Variants in GRIK1 observed in about 807,000 individuals in gnomAD.
GRIK1 encodes the protein glutamate ionotropic receptor kainate type subunit 1.
GRIK1 carries 69 observed loss-of-function variants against 105.7 expected under a neutral mutation model. That is an observed-to-expected ratio of 0.65 (90% CI 0.54 to 0.80). The LOEUF (loss-of-function observed/expected upper bound fraction) is 0.80. Among genes scored for constraint, GRIK1 ranks in the 30% least tolerant of loss-of-function variants. The pLI is 0.00. For missense variants in GRIK1, 1,109 were observed against 1,167.3 expected (o/e 0.95, Z 0.73); for synonymous variants, 438 against 431.3 (o/e 1.02, Z -0.19).
At chr21:29,784,535 A>T (rs946438377) in intron 1 of GRIK1, among the ~76,000 whole-genome samples, 1 of 152,194 alleles carries the variant, frequency 6.6e-6, no homozygotes, top group Non-Finnish European at 1.5e-5. Context: ...ATCACATTAT[A>T]TAACAACTTC....
intron 1 of GRIK1, among the ~76,000 whole-genome samples, chr21:29,930,067 T>G (rs1315434639): frequency 2.0e-5 from 3 of 152,236 alleles, no homozygotes; most frequent in South Asian, 2.1e-4. Flanking sequence ...AACCATTCTC[T>G]CCTGTTGAAC....
intron 14 of GRIK1, among the ~76,000 whole-genome samples, chr21:29,566,026 G>A (rs894060629): frequency 6.6e-6 from 1 of 152,118 alleles, no homozygotes; most frequent in African/African-American, 2.4e-5. Context: ...GTAGAATGTT[G>A]GGAGTAAATT....
chr21:29,752,658 C>T (rs1458044818), intron 1 of GRIK1, among the ~76,000 whole-genome samples: 1 of 151,720 alleles, frequency 6.6e-6, no homozygotes, highest in Admixed American at 6.6e-5. Context: ...AGACTCATAT[C>T]TCTACAAAAA....
At chr21:29,916,357 A>G (rs1249507023) in intron 1 of GRIK1, among the ~76,000 whole-genome samples, 1 of 151,986 alleles carries the variant, frequency 6.6e-6, no homozygotes, top group Non-Finnish European at 1.5e-5. Flanking sequence ...ATTACAACTC[A>G]AAGTGGGAGC....
intron 4 of GRIK1, among the ~76,000 whole-genome samples, chr21:29,668,809 G>A (rs929182486): frequency 6.6e-6 from 1 of 152,188 alleles, no homozygotes; most frequent in Non-Finnish European, 1.5e-5. Flanking sequence ...GTATGAATGA[G>A]GGTGTATATG....
rs142710274 is a variant in GRIK1, at chr21:29,863,615, A to G, written c.118+75768T>C. 7.2e-3 allele frequency among the ~76,000 whole-genome samples: 1,100 copies of G among 152,310 alleles called. 13 individuals are homozygous for G. Among genetic ancestry groups the G allele is most frequent in the African/African-American group, 0.024 (1,001 of 41,580 alleles). On this transcript the variant is annotated intron_variant, in intron 1 of 17. Coordinates refer to ENST00000327783, the MANE Select transcript of GRIK1 (RefSeq NM_001330994.2). ...TGCAAAAGGAGAATTTAGCTCACTT[A>G]GAAACCACGGACCTGCTTTTTCTTG...
At chr21:29,925,857 C>G (rs552484433) in intron 1 of GRIK1, among the ~76,000 whole-genome samples, 5 of 152,124 alleles carry the variant, frequency 3.3e-5, no homozygotes, top group Non-Finnish European at 7.4e-5. Flanking sequence ...TAGTCTTCTT[C>G]CCTTGTATGC....
At chr21:29,603,996 G>T (rs1343002654) in intron 7 of GRIK1, among the ~76,000 whole-genome samples, 1 of 152,160 alleles carries the variant, frequency 6.6e-6, no homozygotes, top group African/African-American at 2.4e-5. Flanking sequence ...ACATTGTCCA[G>T]AATTTACAGG....
At chr21:29,834,378 A>G (rs1431404833) in intron 1 of GRIK1, among the ~76,000 whole-genome samples, 1 of 150,172 alleles carries the variant, frequency 6.7e-6, no homozygotes, top group African/African-American at 2.4e-5. Flanking sequence ...AATGATGGTT[A>G]TCGAGATAAT....
At chr21:29,901,028 C>T (rs1027715524) in intron 1 of GRIK1, among the ~76,000 whole-genome samples, 1 of 152,168 alleles carries the variant, frequency 6.6e-6, no homozygotes, top group Non-Finnish European at 1.5e-5. Context: ...CAACCTGCTC[C>T]TGAATGACTA....
chr21:29,705,956 C>T (rs1172602384), intron 1 of GRIK1, among the ~76,000 whole-genome samples: 1 of 151,474 alleles, frequency 6.6e-6, no homozygotes, highest in Non-Finnish European at 1.5e-5. Context: ...TCGCTGCAAC[C>T]TCTGGCTCCC....
chr21:29,747,700 G>A (rs560447995), intron 1 of GRIK1, among the ~76,000 whole-genome samples: 7 of 152,232 alleles, frequency 4.6e-5, no homozygotes, highest in African/African-American at 7.2e-5. Context: ...GTGGTGGCAC[G>A]TGCCTGTAGT....
At chr21:29,742,987 T>C (rs781466166) in intron 1 of GRIK1, among the ~76,000 whole-genome samples, 4 of 152,140 alleles carry the variant, frequency 2.6e-5, no homozygotes, top group African/African-American at 9.7e-5. Flanking sequence ...GTTTTAATTA[T>C]AGAGCCTTTA....
intron 9 of GRIK1, among the ~76,000 whole-genome samples, chr21:29,594,578 G>A (rs1310445578): frequency 6.6e-6 from 1 of 152,172 alleles, no homozygotes; most frequent in Non-Finnish European, 1.5e-5. Flanking sequence ...TTGTAAGCTG[G>A]CACAAGGGAG....
chr21:29,720,495 ATGTG>A (rs147353174), intron 1 of GRIK1, among the ~76,000 whole-genome samples: 2 of 149,926 alleles, frequency 1.3e-5, no homozygotes, highest in Admixed American at 6.6e-5. Flanking sequence ...GTGTGTGTAT[ATGTG>A]TGTGTGTGTG....
At chr21:29,737,942 C>T (rs186946530) in intron 1 of GRIK1, among the ~76,000 whole-genome samples, 209 of 152,318 alleles carry the variant, frequency 1.4e-3, no homozygotes, top group African/African-American at 4.7e-3. Context: ...TATTTATACG[C>T]TATTGATTTT....
intron 1 of GRIK1, among the ~76,000 whole-genome samples, chr21:29,858,949 C>A (rs2068547814): frequency 6.9e-6 from 1 of 144,956 alleles, no homozygotes; most frequent in Non-Finnish European, 1.5e-5. Context: ...ATAAATTCTA[C>A]ATTTTTTTTG....
At chr21:29,775,955 A>T (rs908687912) in intron 1 of GRIK1, among the ~76,000 whole-genome samples, 3 of 152,228 alleles carry the variant, frequency 2.0e-5, no homozygotes, top group Non-Finnish European at 2.9e-5. Context: ...AATTGACTCA[A>T]GGTTCAGCAT....
intron 12 of GRIK1, 117 bp from the exon 13 acceptor site, chr21:29,581,660 C>T (rs143599712): frequency 3.1e-6 from 2 of 642,424 alleles, no homozygotes; most frequent in African/African-American, 3.7e-5. Context: ...AAGCTTCAAA[C>T]CAAAAGAGTA....
Sources: allele counts gnomAD v4.1 joint callset (sites outside exome capture counted in the v4.1 genomes callset), GRCh38; gene constraint gnomAD v4.1.1; transcripts MANE v1.5; gene names NCBI Gene and HGNC (gene_info 2026-07-23, HGNC 2026-07-21).